CNBD1: variants seen among roughly 807,000 people sequenced by gnomAD.
CNBD1 encodes cyclic nucleotide binding domain containing 1, also known as cyclic nucleotide-binding domain-containing protein 1.
A neutral mutation model predicts 54.4 loss-of-function variants in CNBD1; 71 were observed. The ratio of observed to expected loss-of-function variants is 1.30; its 90% CI spans 1.08 to 1.59. CNBD1 has a LOEUF of 1.59. Ranked by LOEUF, CNBD1 falls within the 40% of genes most tolerant of loss-of-function variation. CNBD1 has a pLI of 0.00. For synonymous variants in CNBD1, 182 were observed against 170.7 expected, an observed-to-expected ratio of 1.07 and a Z score of -0.51; for missense variants, 659 against 518.0, an observed-to-expected ratio of 1.27 and a Z score of -2.64.
intron 4 of CNBD1, among the ~76,000 whole-genome samples, chr8:86,974,819 G>A (rs75636390): frequency 0.022 from 3,398 of 151,734 alleles, 129 homozygotes; most frequent in African/African-American, 0.071. Flanking sequence ...GTTTATGTTC[G>A]GTTTCTTTTT....
chr8:87,097,311 A>G (rs937535818), intron 4 of CNBD1, among the ~76,000 whole-genome samples: 1 of 152,206 alleles, frequency 6.6e-6, no homozygotes, highest in African/African-American at 2.4e-5. Flanking sequence ...AAAATTTTCT[A>G]CAATTTACAA....
At chr8:87,366,077 C>T (rs1322281695) in intron 10 of CNBD1, among the ~76,000 whole-genome samples, 1 of 151,970 alleles carries the variant, frequency 6.6e-6, no homozygotes, top group Non-Finnish European at 1.5e-5. Context: ...GTTGATAGGC[C>T]AGCTATATGT....
chr8:87,252,322 C>T (rs961647757), intron 6 of CNBD1, among the ~76,000 whole-genome samples: 1 of 152,134 alleles, frequency 6.6e-6, no homozygotes, highest in East Asian at 1.9e-4. Flanking sequence ...TGATAATTGA[C>T]TCTCAATATT....
At chr8:87,288,875 C>T (rs1033937685) in intron 8 of CNBD1, among the ~76,000 whole-genome samples, 2 of 152,044 alleles carry the variant, frequency 1.3e-5, no homozygotes, top group African/African-American at 4.8e-5. Context: ...TGATAATCAT[C>T]AAAGCCCTAT....
intron 4 of CNBD1, among the ~76,000 whole-genome samples, chr8:87,053,995 G>T (rs1356035287): frequency 6.6e-6 from 1 of 152,196 alleles, no homozygotes; most frequent in Non-Finnish European, 1.5e-5. Flanking sequence ...TCCTTCAGAT[G>T]GAGACAGCGT....
chr8:87,278,032 G>A (rs1414899633), intron 6 of CNBD1, among the ~76,000 whole-genome samples: 2 of 151,508 alleles, frequency 1.3e-5, no homozygotes, highest in Admixed American at 6.6e-5. Flanking sequence ...ACTTAAAAAT[G>A]TAAAATGAAA....
intron 2 of CNBD1, among the ~76,000 whole-genome samples, 159 bp downstream of exon 2, chr8:86,887,770 T>C (rs1286382959): frequency 6.6e-6 from 1 of 152,152 alleles, no homozygotes; most frequent in Non-Finnish European, 1.5e-5. Flanking sequence ...TTTCTTCAGA[T>C]TGAAGGGGCA....
At chr8:87,360,692 A>C (rs114352796) in intron 10 of CNBD1, among the ~76,000 whole-genome samples, 2,847 of 152,038 alleles carry the variant, frequency 0.019, 90 homozygotes, top group African/African-American at 0.062. Context: ...TGAATTACTG[A>C]TGTTTTTTAT....
At chr8:87,221,595 C>A (rs1814340846) in intron 5 of CNBD1, among the ~76,000 whole-genome samples, 1 of 152,058 alleles carries the variant, frequency 6.6e-6, no homozygotes, top group Non-Finnish European at 1.5e-5. Flanking sequence ...CAATTTATTT[C>A]TTCTCCAGAC....
At chr8:87,392,544 A>T (rs1811329296) in intron 2 of CNBD1, among the ~76,000 whole-genome samples, 2 of 152,074 alleles carry the variant, frequency 1.3e-5, no homozygotes, top group South Asian at 4.1e-4. Context: ...AAGTGAAAGA[A>T]GTTAGAAACA....
chr8:87,183,753 T>C (rs1342156174), intron 4 of CNBD1, among the ~76,000 whole-genome samples: 1 of 152,194 alleles, frequency 6.6e-6, no homozygotes, highest in Non-Finnish European at 1.5e-5. Context: ...TTGTGGTACA[T>C]GTTGGGTTTA....
chr8:86,943,233 T>C (rs1326204534), intron 4 of CNBD1, among the ~76,000 whole-genome samples: 1 of 151,610 alleles, frequency 6.6e-6, no homozygotes, highest in African/African-American at 2.4e-5. Flanking sequence ...ATACAAAAAT[T>C]AGCTGGGTGT....
At chr8:87,256,222 C>T (rs1301503215) in intron 6 of CNBD1, among the ~76,000 whole-genome samples, 1 of 150,462 alleles carries the variant, frequency 6.6e-6, no homozygotes, top group Non-Finnish European at 1.5e-5. Context: ...GGTGTTTCCT[C>T]ATGTTGGCCA....
intron 10 of CNBD1, among the ~76,000 whole-genome samples, chr8:87,371,917 A>G (rs1325928847): frequency 6.6e-6 from 1 of 151,912 alleles, no homozygotes; most frequent in Non-Finnish European, 1.5e-5. Flanking sequence ...ATTCCCTTTG[A>G]AAACTGGCAC....
intron 4 of CNBD1, among the ~76,000 whole-genome samples, chr8:86,981,768 A>G (rs1200440784): frequency 6.6e-6 from 1 of 152,186 alleles, no homozygotes; most frequent in African/African-American, 2.4e-5. Context: ...AGCATTCCAT[A>G]GTATGGATAT....
At chr8:86,950,725 G>A (rs918600018) in intron 4 of CNBD1, among the ~76,000 whole-genome samples, 1 of 152,152 alleles carries the variant, frequency 6.6e-6, no homozygotes, top group South Asian at 2.1e-4. Context: ...TGGTACTAGT[G>A]CTTCTTTAAA....
intron 4 of CNBD1, among the ~76,000 whole-genome samples, chr8:87,110,232 A>G (rs1811635291): frequency 1.3e-5 from 2 of 152,170 alleles, no homozygotes; most frequent in African/African-American, 2.4e-5. Flanking sequence ...CACTTGCTTT[A>G]TAATGCTAGG....
rs201909417 is a variant in CNBD1, at chr8:87,076,394, CTTAAA to C, written c.432-129595_432-129591del. Among the ~76,000 whole-genome samples, 1,424 of 151,904 alleles carry C rather than the reference CTTAAA, an allele frequency of 9.4e-3. 23 individuals carry two copies. The highest frequency in any genetic ancestry group is 0.032 in the African/African-American group (1,325 of 41,428). On this transcript the variant is annotated intron_variant, in intron 4 of 10. Coordinates refer to ENST00000518476, the MANE Select transcript of CNBD1 (RefSeq NM_173538.3). ...TATTGGTGGCCTATATTTTTTATTA[CTTAAA>C]TTATTTAGGTCTCCTAATTGCAATA... is the stretch of plus-strand genomic sequence containing the variant.
intron 4 of CNBD1, among the ~76,000 whole-genome samples, chr8:87,108,562 A>C (rs947128389): frequency 6.6e-6 from 1 of 152,208 alleles, no homozygotes; most frequent in African/African-American, 2.4e-5. Context: ...AAGAACCAAC[A>C]TTCAGGGAAT....
Sources: gnomAD v4.1 joint callset for allele counts (sites outside exome capture counted in the v4.1 genomes callset) on GRCh38, gnomAD v4.1.1 for gene constraint, MANE v1.5 for transcripts, NCBI Gene and HGNC (gene_info 2026-07-23, HGNC 2026-07-21) for gene names.